Variants in SRD5A2 observed in about 807,000 individuals in gnomAD.
SRD5A2 encodes steroid 5 alpha-reductase 2.
Under a neutral mutation model 27.4 loss-of-function variants are expected in SRD5A2, and 30 were observed. The ratio of observed to expected loss-of-function variants is 1.10; its 90% CI spans 0.82 to 1.49. SRD5A2 has a LOEUF of 1.49. Among genes scored for constraint, SRD5A2 ranks in the 40% most tolerant of loss-of-function variants. The probability of loss-of-function intolerance (pLI) is 0.00; values close to 1 mark genes in which losing one functional copy is unlikely to be tolerated. For missense variants in SRD5A2, 348 were observed against 323.4 expected, an observed-to-expected ratio of 1.08 and a Z score of -0.58; for synonymous variants, 141 against 133.6, an observed-to-expected ratio of 1.06 and a Z score of -0.38.
At chr2:31,606,758 T>A in the SRD5A2 span, among the ~76,000 whole-genome samples, 2 of 151,852 alleles carry the variant, frequency 1.3e-5, no homozygotes, top group Non-Finnish European at 2.9e-5. Flanking sequence ...CCATTCTGAG[T>A]CACATCGTTG....
At chr2:31,649,531 T>C in the SRD5A2 span, among the ~76,000 whole-genome samples, 1 of 152,170 alleles carries the variant, frequency 6.6e-6, no homozygotes, top group South Asian at 2.1e-4. Context: ...ATACTTCATA[T>C]TATTTTTACT....
At chr2:31,572,546 A>G (rs1210212909) in intron 1 of SRD5A2, among the ~76,000 whole-genome samples, 4 of 152,250 alleles carry the variant, frequency 2.6e-5, no homozygotes, top group Non-Finnish European at 5.9e-5. Context: ...ACCTGGCAAA[A>G]TACTTCTATC....
chr2:31,523,988 C>T lies in SRD5A2; in HGVS notation c.*2208G>A, dbSNP rs1223534542. ...CGATCATGCTAACTTGAAAGGTCCA[C>T]GATCAGGCAACAGGACTGGGGTTGG... On this transcript the variant is annotated 3_prime_UTR_variant, in exon 5 of 5. Coordinates refer to ENST00000622030, the MANE Select transcript of SRD5A2 (RefSeq NM_000348.4). The T allele has an allele frequency of 4.6e-6, 1 of 219,048 alleles. No homozygotes were observed. Among genetic ancestry groups the T allele is most frequent in the Non-Finnish European group, 9.2e-6 (1 of 109,216 alleles). The allele number at this position is 219,048 out of a possible 1,614,324, so 13.6% of individuals were successfully genotyped here.
At chr2:31,565,677 T>C (rs1666715327) in intron 1 of SRD5A2, among the ~76,000 whole-genome samples, 2 of 151,942 alleles carry the variant, frequency 1.3e-5, no homozygotes, top group Admixed American at 1.3e-4. Context: ...TCTGTCTCTA[T>C]GCATGTAATA....
intron 1 of SRD5A2, among the ~76,000 whole-genome samples, chr2:31,535,455 A>AC (rs1666005980): frequency 1.3e-5 from 2 of 152,186 alleles, no homozygotes; most frequent in African/African-American, 4.8e-5. Context: ...AGGCTGCTCA[A>AC]GTGTTCTCAG....
chr2:31,556,885 C>T (rs546811971), intron 1 of SRD5A2, among the ~76,000 whole-genome samples: 1 of 152,164 alleles, frequency 6.6e-6, no homozygotes, highest in Non-Finnish European at 1.5e-5. Flanking sequence ...GGACGACAGA[C>T]AACTAATATT....
intron 1 of SRD5A2, among the ~76,000 whole-genome samples, chr2:31,535,956 T>C (rs1257048233): frequency 6.6e-6 from 1 of 152,246 alleles, no homozygotes; most frequent in Non-Finnish European, 1.5e-5. Flanking sequence ...GACAAACTCC[T>C]TCATCTGTAA....
chr2:31,543,889 A>G (rs1399716901), intron 1 of SRD5A2, among the ~76,000 whole-genome samples: 1 of 152,126 alleles, frequency 6.6e-6, no homozygotes, highest in Non-Finnish European at 1.5e-5. Flanking sequence ...TTCAACCAAT[A>G]TAGATGAGCA....
At chr2:31,562,710 T>C (rs563779201) in intron 1 of SRD5A2, among the ~76,000 whole-genome samples, 52 of 152,272 alleles carry the variant, frequency 3.4e-4, no homozygotes, top group African/African-American at 1.2e-3. Flanking sequence ...GTTGAAAAAC[T>C]ACCTATTGGG....
the SRD5A2 span, among the ~76,000 whole-genome samples, chr2:31,586,605 G>A: frequency 1.3e-5 from 2 of 152,186 alleles, no homozygotes; most frequent in South Asian, 4.1e-4. Context: ...TATCTGCCTG[G>A]TAATCCAGAG....
At chr2:31,606,731 C>T in the SRD5A2 span, among the ~76,000 whole-genome samples, 1 of 151,960 alleles carries the variant, frequency 6.6e-6, no homozygotes, top group African/African-American at 2.4e-5. Context: ...CTCAAAGCCC[C>T]ACCCCTCTAA....
At chr2:31,562,109 C>A (rs1666636486) in intron 1 of SRD5A2, among the ~76,000 whole-genome samples, 1 of 152,140 alleles carries the variant, frequency 6.6e-6, no homozygotes, top group African/African-American at 2.4e-5. Context: ...CATGCCATTT[C>A]TCTGAGCTAT....
the SRD5A2 span, among the ~76,000 whole-genome samples, chr2:31,591,714 CA>C: frequency 1.4e-5 from 2 of 140,682 alleles, no homozygotes; most frequent in Non-Finnish European, 3.1e-5. Context: ...TAGACTGGAT[CA>C]AGAAAATGCG....
chr2:31,633,078 T>C, the SRD5A2 span, among the ~76,000 whole-genome samples: 31 of 152,072 alleles, frequency 2.0e-4, no homozygotes, highest in African/African-American at 7.0e-4. Context: ...CAAGCAGATA[T>C]TGAAGCCAAA....
At chr2:31,527,660 C>G (rs935977661) in intron 4 of SRD5A2, 2 of 152,352 alleles carry the variant, frequency 1.3e-5, no homozygotes, top group Non-Finnish European at 2.9e-5. Context: ...TTCTCCCATT[C>G]CCGCTCTGCC....
At chr2:31,566,858 A>C (rs28383006) in intron 1 of SRD5A2, among the ~76,000 whole-genome samples, 1 of 152,222 alleles carries the variant, frequency 6.6e-6, no homozygotes, top group East Asian at 1.9e-4. Context: ...TTAAATAATT[A>C]AATACTTTAA....
upstream of SRD5A2, among the ~76,000 whole-genome samples, chr2:31,582,234 G>C (rs1667096166): frequency 4.6e-5 from 7 of 151,970 alleles, no homozygotes; most frequent in South Asian, 1.5e-3. Flanking sequence ...CGCCTCCCAG[G>C]AGCCCCATTC....
upstream of SRD5A2, among the ~76,000 whole-genome samples, chr2:31,584,969 T>C (rs1389146992): frequency 6.6e-6 from 1 of 152,216 alleles, no homozygotes; most frequent in Non-Finnish European, 1.5e-5. Flanking sequence ...TGTGGTGTGG[T>C]GCAAAGAGCA....
At chr2:31,538,670 G>T (rs993335114) in intron 1 of SRD5A2, among the ~76,000 whole-genome samples, 13 of 152,070 alleles carry the variant, frequency 8.5e-5, no homozygotes, top group African/African-American at 2.9e-4. Flanking sequence ...TACCACTTTT[G>T]TCTTTGTCCA....
Sources: gnomAD v4.1 joint callset for allele counts (sites outside exome capture counted in the v4.1 genomes callset) on GRCh38, gnomAD v4.1.1 for gene constraint, MANE v1.5 for transcripts, NCBI Gene and HGNC (gene_info 2026-07-23, HGNC 2026-07-21) for gene names.